TMEM154: variants seen among roughly 807,000 people sequenced by gnomAD.
The protein encoded by TMEM154 is transmembrane protein 154.
Under a neutral mutation model 24.5 loss-of-function variants are expected in TMEM154, and 27 were observed. The observed-to-expected ratio is 1.10, with a 90% CI of 0.81 to 1.52. The LOEUF is 1.52. Ranked by LOEUF, TMEM154 falls within the 40% of genes most tolerant of loss-of-function variation. The pLI is 0.00. For synonymous variants in TMEM154, 67 were observed against 76.8 expected (o/e 0.87, Z 0.67); for missense variants, 228 against 213.4 (o/e 1.07, Z -0.43).
At position 152,619,096 on chromosome 4, in the gene TMEM154, A is replaced by G. The variant is rs1305143989; in HGVS notation, c.*9450T>C. On this transcript the variant is annotated 3_prime_UTR_variant, in exon 7 of 7. Coordinates refer to ENST00000304385, the MANE Select transcript of TMEM154 (RefSeq NM_152680.3). ...ACAGAGATGAGTAAGACTGATCCCT[A>G]TCCTCAAGGTGCTCAGTCTAATCTG... 6.6e-6 allele frequency: 1 copy of G among 152,224 alleles called. No individual in the cohort carries two copies. The highest frequency in any genetic ancestry group is 6.5e-5 in the Admixed American group (1 of 15,280). The allele number at this position is 152,224 out of a possible 1,614,324, so 9.4% of individuals were successfully genotyped here. A position where few individuals can be genotyped will look rare whatever the true frequency, so the allele number is the denominator to read the frequency against.
At chr4:152,629,600 C>T (rs528334722) in intron 6 of TMEM154, among the ~76,000 whole-genome samples, 3 of 152,218 alleles carry the variant, frequency 2.0e-5, no homozygotes, top group Admixed American at 1.3e-4. Context: ...ACTCCCTTCA[C>T]TCACATCCTA....
At chr4:152,646,847 T>C (rs1038143863) in intron 3 of TMEM154, 1 of 660,660 alleles carries the variant, frequency 1.5e-6, no homozygotes, top group African/African-American at 1.8e-5. Flanking sequence ...AGAGAAAGAG[T>C]CTCTTTCCAG....
chr4:152,656,623 A>G (rs548236706), intron 1 of TMEM154, among the ~76,000 whole-genome samples: 1 of 152,166 alleles, frequency 6.6e-6, no homozygotes, highest in Admixed American at 6.5e-5. Flanking sequence ...TTCCTCCCCT[A>G]TGAAAGTAAA....
Position 152,622,252 on chromosome 4 carries a change from A to G in TMEM154, c.*6294T>C, listed in dbSNP as rs1751854873. 2 of 152,254 alleles carry G rather than the reference A, an allele frequency of 1.3e-5. No homozygotes were observed. The highest frequency in any genetic ancestry group is 4.8e-5 in the African/African-American group (2 of 41,468). The allele number at this position is 152,254 out of a possible 1,614,324, so 9.4% of individuals were successfully genotyped here. A position where few individuals can be genotyped will look rare whatever the true frequency, so the allele number is the denominator to read the frequency against. On this transcript the variant is annotated 3_prime_UTR_variant, in exon 7 of 7. Transcript: ENST00000304385. ...TTTTAGATATGCAGAAAGTCTACTT[A>G]ATTTTTAGGTTAGACAATTTTATAC... is the stretch of plus-strand genomic sequence containing the variant.
chr4:152,630,672 T>C (rs1752022027), intron 6 of TMEM154, among the ~76,000 whole-genome samples: 1 of 152,216 alleles, frequency 6.6e-6, no homozygotes, highest in Non-Finnish European at 1.5e-5. Context: ...GCTGTTGTAA[T>C]AGAAGTGATT....
chr4:152,677,974 G>A (rs1042035633), intron 1 of TMEM154, among the ~76,000 whole-genome samples: 9 of 152,142 alleles, frequency 5.9e-5, no homozygotes, highest in Non-Finnish European at 7.3e-5. Context: ...TAGGTCTATC[G>A]GGGCACAGCA....
At chr4:152,668,077 C>T (rs1728755225) in intron 1 of TMEM154, among the ~76,000 whole-genome samples, 1 of 152,174 alleles carries the variant, frequency 6.6e-6, no homozygotes. Flanking sequence ...TTTGCTCAGG[C>T]CCCAAGGCTG....
At chr4:152,655,631 C>A (rs571612023) in intron 1 of TMEM154, among the ~76,000 whole-genome samples, 12 of 150,466 alleles carry the variant, frequency 8.0e-5, no homozygotes, top group African/African-American at 2.2e-4. Context: ...CCCCTCCCCC[C>A]ACCCCTGGCC....
Position 152,643,164 on chromosome 4 carries a change from A to C in TMEM154, c.402T>G (p.Phe134Leu). 3.7e-6 allele frequency: 6 copies of C among 1,608,106 alleles called. No individual in the cohort carries two copies. The highest frequency in any genetic ancestry group is 5.1e-6 in the Non-Finnish European group (6 of 1,177,822). The change falls in exon 5 of 7, where the codon TTT (phenylalanine) becomes TTG (leucine). Residue 134 changes from phenylalanine to leucine, a missense_variant. Coordinates refer to ENST00000304385, the MANE Select transcript of TMEM154 (RefSeq NM_152680.3). The stretch of plus-strand genomic sequence containing the variant: ...CCATAACAGAGGGTGTATCTTCCTC[A>C]AAAATAGGGCTAGAAATAGAGAGCA... The part of the protein sequence containing the change: ...LGSENVKVPI[F>L]EEDTPSVMEI...
chr4:152,669,462 C>G (rs910077541), intron 1 of TMEM154: 5 of 151,924 alleles, frequency 3.3e-5, no homozygotes, highest in Admixed American at 1.3e-4. Context: ...AATATTTGTA[C>G]TAAATACTTA....
intron 6 of TMEM154, among the ~76,000 whole-genome samples, chr4:152,631,799 T>C (rs1393408016): frequency 2.1e-5 from 2 of 93,042 alleles, no homozygotes; most frequent in East Asian, 6.4e-4. Flanking sequence ...CCCCCTTTTT[T>C]TTTTTTTTTT....
At position 152,644,400 on chromosome 4, in the gene TMEM154, G is replaced by T. The variant is rs760541892; in HGVS notation, c.392+15C>A. 2 of 1,614,032 alleles carry T rather than the reference G, an allele frequency of 1.2e-6. No homozygotes were observed. The highest frequency in any genetic ancestry group is 2.2e-5 in the South Asian group (2 of 91,076). ...TCACACCCCAGGTGGATCAGAAGCA[G>T]CAGGGAAAACTTACACTTTCACGTT... On this transcript the variant is annotated intron_variant, in intron 4 of 6. Transcript: ENST00000304385.
In TMEM154 at chr4:152,621,863, T is replaced by G. The variant is rs993761344; in HGVS notation, c.*6683A>C. 6.6e-6 allele frequency: 1 copy of G among 152,108 alleles called. No homozygotes were observed. Among genetic ancestry groups the G allele is most frequent in the African/African-American group, 2.4e-5 (1 of 41,424 alleles). The allele number at this position is 152,108 out of a possible 1,614,324, so 9.4% of individuals were successfully genotyped here. A position where few individuals can be genotyped will look rare whatever the true frequency, so the allele number is the denominator to read the frequency against. ...TGGAGTTTCACTCTGTCACCCAGCC[T>G]GCAGTGCAGTGGCTCAGTCTTGGCA... is the stretch of plus-strand genomic sequence containing the variant. On this transcript the variant is annotated 3_prime_UTR_variant, in exon 7 of 7. Coordinates refer to ENST00000304385, the MANE Select transcript of TMEM154 (RefSeq NM_152680.3).
intron 1 of TMEM154, chr4:152,668,957 TC>T (rs1310092160): frequency 2.6e-5 from 4 of 152,204 alleles, no homozygotes; most frequent in Admixed American, 1.3e-4. Flanking sequence ...TCAAAGAGAA[TC>T]AATCCTACCC....
chr4:152,650,689 C>T (rs201047613), intron 3 of TMEM154, among the ~76,000 whole-genome samples: 1 of 152,178 alleles, frequency 6.6e-6, no homozygotes, highest in East Asian at 1.9e-4. Context: ...CCAGATTTAT[C>T]AGAGGACTCA....
At chr4:152,639,153 G>T (rs1752204714) in intron 6 of TMEM154, among the ~76,000 whole-genome samples, 2 of 152,120 alleles carry the variant, frequency 1.3e-5, no homozygotes, top group Admixed American at 1.3e-4. Flanking sequence ...GTTTTACCAT[G>T]TGGGCCAGGC....
At chr4:152,631,288 G>A (rs1243559329) in intron 6 of TMEM154, among the ~76,000 whole-genome samples, 6 of 151,944 alleles carry the variant, frequency 3.9e-5, no homozygotes, top group Non-Finnish European at 1.5e-5. Flanking sequence ...TTTTGTGTGA[G>A]TCCAATAGGT....
chr4:152,663,338 G>A (rs1728653186), intron 1 of TMEM154, among the ~76,000 whole-genome samples: 1 of 152,222 alleles, frequency 6.6e-6, no homozygotes, highest in Admixed American at 6.5e-5. Context: ...GGTGGGGCTA[G>A]AGGTAAAACT....
chr4:152,667,895 G>T (rs1728752793), intron 1 of TMEM154, among the ~76,000 whole-genome samples: 1 of 152,232 alleles, frequency 6.6e-6, no homozygotes, highest in African/African-American at 2.4e-5. Context: ...ACTCGTTAGG[G>T]TTTGTTGTAT....
Sources: gnomAD v4.1 joint callset for allele counts (sites outside exome capture counted in the v4.1 genomes callset) on GRCh38, gnomAD v4.1.1 for gene constraint, MANE v1.5 for transcripts, NCBI Gene and HGNC (gene_info 2026-07-23, HGNC 2026-07-21) for gene names.